The following C1QTNF7 variants were observed in gnomAD, a reference collection of about 807,000 sequenced individuals.
C1QTNF7 encodes complement C1q tumor necrosis factor-related protein 7.
A neutral mutation model predicts 19.6 loss-of-function variants in C1QTNF7; 15 were observed. That is an observed-to-expected ratio of 0.76 (90% CI 0.51 to 1.18). The LOEUF (loss-of-function observed/expected upper bound fraction) is 1.18. C1QTNF7 is among the 50% of genes most tolerant of loss of function. C1QTNF7 has a pLI of 0.00. For missense variants in C1QTNF7, 324 were observed against 359.7 expected, an observed-to-expected ratio of 0.90 and a Z score of 0.80; for synonymous variants, 142 against 137.5, an observed-to-expected ratio of 1.03 and a Z score of -0.23.
chr4:15,403,124 C>G (rs886884443), intron 1 of C1QTNF7, among the ~76,000 whole-genome samples: 1 of 152,088 alleles, frequency 6.6e-6, no homozygotes, highest in African/African-American at 2.4e-5. Context: ...CTGCCTGTCT[C>G]TGAGTCCCAT....
At chr4:15,382,385 A>T (rs937285078) in intron 1 of C1QTNF7, among the ~76,000 whole-genome samples, 1 of 147,028 alleles carries the variant, frequency 6.8e-6, no homozygotes, top group African/African-American at 2.6e-5. Flanking sequence ...CCAAAAACTC[A>T]TTTCTGCAAG....
intron 1 of C1QTNF7, among the ~76,000 whole-genome samples, chr4:15,375,275 T>C (rs1037842062): frequency 2.0e-5 from 3 of 152,194 alleles, no homozygotes; most frequent in Non-Finnish European, 4.4e-5. Context: ...TATAGTGGCA[T>C]AAATTCTGTG....
intron 1 of C1QTNF7, among the ~76,000 whole-genome samples, chr4:15,409,438 A>G (rs761865201): frequency 2.0e-5 from 3 of 152,328 alleles, no homozygotes; most frequent in Non-Finnish European, 2.9e-5. Context: ...CTTATTTACA[A>G]TGGTTTTCTC....
At chr4:15,342,560 G>C (rs1014138122) in intron 1 of C1QTNF7, among the ~76,000 whole-genome samples, 1 of 152,148 alleles carries the variant, frequency 6.6e-6, no homozygotes, top group African/African-American at 2.4e-5. Context: ...ATCAAAGAAA[G>C]CGTCCCACAA....
chr4:15,360,492 C>T (rs776059776), intron 1 of C1QTNF7, among the ~76,000 whole-genome samples: 10 of 152,114 alleles, frequency 6.6e-5, no homozygotes, highest in Non-Finnish European at 1.0e-4. Context: ...CATGCCTGAA[C>T]GGAGCTTATC....
intron 2 of C1QTNF7, among the ~76,000 whole-genome samples, chr4:15,437,579 A>C (rs1193461717): frequency 6.6e-6 from 1 of 152,212 alleles, no homozygotes; most frequent in African/African-American, 2.4e-5. Context: ...ATTCAGATTA[A>C]ATTAAATGTT....
upstream of C1QTNF7, among the ~76,000 whole-genome samples, chr4:15,425,504 A>AATTCCTAAC (rs1379479070): frequency 6.6e-6 from 1 of 152,158 alleles, no homozygotes; most frequent in African/African-American, 2.4e-5. Context: ...TTACAAAGAG[A>AATTCCTAAC]AGATTCAATT....
chr4:15,342,031 G>C (rs975638766), intron 1 of C1QTNF7, among the ~76,000 whole-genome samples: 1 of 152,248 alleles, frequency 6.6e-6, no homozygotes, highest in Non-Finnish European at 1.5e-5. Flanking sequence ...GGCTATTAGG[G>C]TTGCTAATGA....
At chr4:15,376,438 AC>A (rs1297101775) in intron 1 of C1QTNF7, among the ~76,000 whole-genome samples, 28 of 152,370 alleles carry the variant, frequency 1.8e-4, no homozygotes, top group African/African-American at 6.5e-4. Context: ...TCCTGGAGAC[AC>A]AAACCAGATT....
intron 1 of C1QTNF7, among the ~76,000 whole-genome samples, chr4:15,397,686 C>A (rs1423628831): frequency 1.3e-5 from 2 of 152,182 alleles, no homozygotes; most frequent in Admixed American, 1.3e-4. Flanking sequence ...TGTGAGCATT[C>A]CCAAGAGTTC....
intron 1 of C1QTNF7, chr4:15,340,303 A>G: frequency 4.3e-6 from 6 of 1,401,354 alleles, no homozygotes; most frequent in Non-Finnish European, 5.9e-6. Flanking sequence ...GCTCCTTGTA[A>G]AGAAATGGGG....
intron 1 of C1QTNF7, among the ~76,000 whole-genome samples, chr4:15,379,221 A>C (rs140975225): frequency 6.6e-6 from 1 of 152,314 alleles, no homozygotes; most frequent in Non-Finnish European, 1.5e-5. Context: ...AATAAGAGTA[A>C]AGAGGATGGG....
intron 1 of C1QTNF7, among the ~76,000 whole-genome samples, chr4:15,364,880 C>G (rs907920446): frequency 6.6e-6 from 1 of 152,126 alleles, no homozygotes; most frequent in Non-Finnish European, 1.5e-5. Flanking sequence ...TGGGAATGGT[C>G]TCTCTGAACA....
chr4:15,440,083 C>T (rs987968520), intron 2 of C1QTNF7, among the ~76,000 whole-genome samples: 1 of 151,916 alleles, frequency 6.6e-6, no homozygotes, highest in African/African-American at 2.4e-5. Flanking sequence ...TTGCTTATTT[C>T]CTTCAACCAG....
At chr4:15,399,549 T>C (rs763114693) in intron 1 of C1QTNF7, among the ~76,000 whole-genome samples, 7 of 152,250 alleles carry the variant, frequency 4.6e-5, no homozygotes, top group Non-Finnish European at 1.0e-4. Flanking sequence ...ATCATGTACG[T>C]AGTGTTTTTG....
chr4:15,343,591 A>G (rs1228567276), intron 1 of C1QTNF7, among the ~76,000 whole-genome samples: 2 of 152,206 alleles, frequency 1.3e-5, no homozygotes, highest in Non-Finnish European at 2.9e-5. Flanking sequence ...AGTCCAGAAG[A>G]AAATATCATC....
At chr4:15,346,672 T>C (rs946576241) in intron 1 of C1QTNF7, among the ~76,000 whole-genome samples, 1 of 152,228 alleles carries the variant, frequency 6.6e-6, no homozygotes, top group Non-Finnish European at 1.5e-5. Context: ...AGTGGAATCT[T>C]ATTAAGGGAT....
At chr4:15,412,126 C>A (rs1221362010) in intron 1 of C1QTNF7, among the ~76,000 whole-genome samples, 1 of 152,078 alleles carries the variant, frequency 6.6e-6, no homozygotes, top group Non-Finnish European at 1.5e-5. Context: ...GCATCTAATG[C>A]CCGATGATCT....
At chr4:15,407,452 T>A (rs1719232480) in intron 1 of C1QTNF7, among the ~76,000 whole-genome samples, 1 of 152,208 alleles carries the variant, frequency 6.6e-6, no homozygotes, top group Admixed American at 6.5e-5. Context: ...AAGACCTGGC[T>A]TGTTTACCTG....
Sources: allele counts gnomAD v4.1 joint callset (sites outside exome capture counted in the v4.1 genomes callset), GRCh38; gene constraint gnomAD v4.1.1; transcripts MANE v1.5; gene names NCBI Gene and HGNC (gene_info 2026-07-23, HGNC 2026-07-21).